DCAF6: variants seen among roughly 807,000 people sequenced by gnomAD.
DCAF6 encodes DDB1 and CUL4 associated factor 6.
DCAF6 carries 54 observed loss-of-function variants against 125.1 expected under a neutral mutation model. The ratio of observed to expected loss-of-function variants is 0.43; its 90% CI spans 0.35 to 0.54. The LOEUF is 0.54. DCAF6 is among the 20% of genes least tolerant of loss of function. DCAF6 has a pLI of 0.01. For synonymous variants in DCAF6, 371 were observed against 390.4 expected, an observed-to-expected ratio of 0.95 and a Z score of 0.58; for missense variants, 934 against 1,161.7, an observed-to-expected ratio of 0.80 and a Z score of 2.85.
chr1:167,870,313 A>G, the DCAF6 span: 20 of 1,614,036 alleles, frequency 1.2e-5, no homozygotes, highest in Non-Finnish European at 1.7e-5. Context: ...GGCTTTTTCC[A>G]TATCCTGGTA....
intron 4 of DCAF6, among the ~76,000 whole-genome samples, chr1:167,981,472 G>T (rs1679117342): frequency 6.6e-6 from 1 of 152,098 alleles, no homozygotes; most frequent in African/African-American, 2.4e-5. Context: ...AAATGATCCT[G>T]TTACCCAGGA....
the DCAF6 span, among the ~76,000 whole-genome samples, chr1:167,908,173 G>A: frequency 1.3e-5 from 2 of 152,120 alleles, no homozygotes; most frequent in South Asian, 2.1e-4. Flanking sequence ...ACATATGAAT[G>A]GATAAAGAAA....
chr1:167,991,136 A>C (rs1191371611), intron 5 of DCAF6, 68 bp from the exon 6 acceptor site: 5 of 1,338,316 alleles, frequency 3.7e-6, no homozygotes, highest in Non-Finnish European at 5.0e-6. Flanking sequence ...TAATGAGAAA[A>C]TATTTTAAAT....
the DCAF6 span, among the ~76,000 whole-genome samples, chr1:167,923,151 T>C: frequency 6.6e-6 from 1 of 152,158 alleles, no homozygotes; most frequent in Non-Finnish European, 1.5e-5. Context: ...AAACAAAAAA[T>C]ATTAAGCAGA....
intron 2 of DCAF6, among the ~76,000 whole-genome samples, chr1:167,959,901 G>T (rs1448099570): frequency 6.6e-6 from 1 of 152,008 alleles, no homozygotes; most frequent in South Asian, 2.1e-4. Flanking sequence ...TATGGATCTT[G>T]CCTTGGTATT....
intron 5 of DCAF6, among the ~76,000 whole-genome samples, chr1:167,989,232 A>G (rs1397049394): frequency 6.6e-6 from 1 of 152,208 alleles, no homozygotes; most frequent in African/African-American, 2.4e-5. Flanking sequence ...GTTGTTTGAT[A>G]TACCTGTTCC....
chr1:168,033,887 A>AT (rs572509450), intron 12 of DCAF6, among the ~76,000 whole-genome samples: 9 of 152,184 alleles, frequency 5.9e-5, no homozygotes, highest in Non-Finnish European at 8.8e-5. Context: ...GTTAAAAGGG[A>AT]TTTTTTCCCC....
At chr1:167,926,067 C>T in the DCAF6 span, among the ~76,000 whole-genome samples, 2 of 152,188 alleles carry the variant, frequency 1.3e-5, no homozygotes, top group African/African-American at 2.4e-5. Flanking sequence ...AAGAAGATCA[C>T]GGCACAAACC....
Position 167,954,630 on chromosome 1 carries a change from T to A in DCAF6, c.159+2769T>A, listed in dbSNP as rs571630883. Among the ~76,000 whole-genome samples the A allele has an allele frequency of 7.6e-4, 115 of 151,914 alleles. 1 individual carries two copies. In the South Asian group the frequency reaches 0.022, roughly 29 times the overall value. The stretch of plus-strand genomic sequence containing the variant: ...ACCAAGCGCGGCTAATTTTTGGTAT[T>A]TTTAGTAGAGACGGTGTTTCACTGT... On this transcript the variant is annotated intron_variant, in intron 2 of 21. Transcript: ENST00000367840.
At chr1:167,901,005 A>C in the DCAF6 span, among the ~76,000 whole-genome samples, 1 of 152,202 alleles carries the variant, frequency 6.6e-6, no homozygotes, top group African/African-American at 2.4e-5. Flanking sequence ...TAACTCTGTT[A>C]CTCATTACTT....
intron 2 of DCAF6, among the ~76,000 whole-genome samples, chr1:167,957,679 G>A (rs1674986571): frequency 6.6e-6 from 1 of 152,072 alleles, no homozygotes; most frequent in African/African-American, 2.4e-5. Context: ...ATGGTAAACT[G>A]ATATCTCACT....
intron 3 of DCAF6, among the ~76,000 whole-genome samples, chr1:167,973,973 GGTATTACCGTTTAGCATTC>G (rs1473237159): frequency 6.6e-6 from 1 of 152,020 alleles, no homozygotes; most frequent in East Asian, 1.9e-4. Flanking sequence ...CCCTTCCACT[GGTATTACCGTTTAGCATTC>G]CTACCAACAG....
rs1291794369 is a variant in DCAF6, at chr1:167,975,012, T to C, written c.435T>C (p.Tyr145=). ...TTACGTGTCATTATGGAACTACTTATGAGGTATGGTATTATTATGATTATA... is the reference window on the plus strand; with the variant it reads ...TTACGTGTCATTATGGAACTACTTACGAGGTATGGTATTATTATGATTATA... The part of the protein sequence containing the change: ...CQFTCHYGTT[Y]EIMTVPNDPY... Residue 145 remains tyrosine, a synonymous_variant, in exon 4 of 22, where the codon TAT becomes TAC. Coordinates refer to ENST00000367840, the MANE Select transcript of DCAF6 (RefSeq NM_001198956.2). The C allele has an allele frequency of 2.5e-6, 4 of 1,585,368 alleles. No homozygotes were observed. Among genetic ancestry groups the C allele is most frequent in the East Asian group, 2.2e-5 (1 of 44,508 alleles).
intron 7 of DCAF6, among the ~76,000 whole-genome samples, chr1:167,995,071 T>C (rs1002841159): frequency 1.8e-4 from 28 of 152,232 alleles, no homozygotes; most frequent in African/African-American, 6.5e-4. Flanking sequence ...AAATGATTTT[T>C]GAGTTTATTC....
At chr1:167,919,972 G>A in the DCAF6 span, 1 of 1,598,764 alleles carries the variant, frequency 6.3e-7, no homozygotes, top group Non-Finnish European at 8.5e-7. Context: ...ATCTCTGGTA[G>A]GCTTACCTCC....
At chr1:167,869,824 C>G in the DCAF6 span, among the ~76,000 whole-genome samples, 1 of 151,856 alleles carries the variant, frequency 6.6e-6, no homozygotes, top group East Asian at 1.9e-4. Flanking sequence ...GCTAGCCTGC[C>G]GATTCTCCCA....
chr1:168,026,137 T>C (rs1040810013), intron 12 of DCAF6, among the ~76,000 whole-genome samples: 1 of 152,232 alleles, frequency 6.6e-6, no homozygotes, highest in Non-Finnish European at 1.5e-5. Flanking sequence ...TTTTTCTTCC[T>C]TTGTGACTTG....
At chr1:167,959,627 A>C (rs985847656) in intron 2 of DCAF6, among the ~76,000 whole-genome samples, 1 of 152,220 alleles carries the variant, frequency 6.6e-6, no homozygotes, top group Admixed American at 6.5e-5. Flanking sequence ...CCCTGATAAC[A>C]TAGGATGTGG....
the DCAF6 span, among the ~76,000 whole-genome samples, chr1:167,901,444 T>C: frequency 1.3e-5 from 2 of 152,224 alleles, no homozygotes; most frequent in Non-Finnish European, 2.9e-5. Flanking sequence ...TTACTTTTTG[T>C]AATAGCTTAT....
Sources: allele counts gnomAD v4.1 joint callset (sites outside exome capture counted in the v4.1 genomes callset), GRCh38; gene constraint gnomAD v4.1.1; transcripts MANE v1.5; gene names NCBI Gene and HGNC (gene_info 2026-07-23, HGNC 2026-07-21).